ATRNL1: variants seen among roughly 807,000 people sequenced by gnomAD.
ATRNL1 encodes attractin-like protein 1.
A neutral mutation model predicts 182.7 loss-of-function variants in ATRNL1; 95 were observed. The observed-to-expected ratio is 0.52, with a 90% CI of 0.44 to 0.62. The LOEUF is 0.62. ATRNL1 is among the 20% of genes least tolerant of loss of function. The pLI is 0.00. For missense variants in ATRNL1, 1,471 were observed against 1,679.5 expected (o/e 0.88, Z 2.17); for synonymous variants, 576 against 568.3 (o/e 1.01, Z -0.19).
intron 25 of ATRNL1, among the ~76,000 whole-genome samples, chr10:115,538,306 T>C (rs1369174541): frequency 6.6e-6 from 1 of 152,240 alleles, no homozygotes; most frequent in Non-Finnish European, 1.5e-5. Flanking sequence ...AATTCTGTGC[T>C]GCGACCAGCA....
intron 18 of ATRNL1, 139 bp downstream of exon 18, chr10:115,315,875 T>G: frequency 1.5e-6 from 1 of 684,230 alleles, no homozygotes; most frequent in Non-Finnish European, 2.4e-6. Context: ...AGATAAAAAA[T>G]TATTCCATAG....
At chr10:115,826,008 TATTA>T (rs1244297482) in intron 27 of ATRNL1, among the ~76,000 whole-genome samples, 2 of 152,204 alleles carry the variant, frequency 1.3e-5, no homozygotes, top group African/African-American at 4.8e-5. Flanking sequence ...TTTTAGCTTT[TATTA>T]ATTAAGCTTT....
At chr10:115,844,687 A>G (rs1376402019) in intron 27 of ATRNL1, among the ~76,000 whole-genome samples, 1 of 152,062 alleles carries the variant, frequency 6.6e-6, no homozygotes, top group Non-Finnish European at 1.5e-5. Flanking sequence ...CTAATTACGT[A>G]ACTGTCAGTG....
chr10:115,549,153 A>G (rs1041866690), intron 25 of ATRNL1, among the ~76,000 whole-genome samples: 2 of 152,122 alleles, frequency 1.3e-5, no homozygotes, highest in Non-Finnish European at 2.9e-5. Context: ...AATTCTAAAT[A>G]GATTTTGGTT....
intron 28 of ATRNL1, among the ~76,000 whole-genome samples, chr10:115,865,302 T>G (rs1589621724): frequency 1.3e-5 from 2 of 152,274 alleles, no homozygotes; most frequent in South Asian, 4.1e-4. Context: ...GGAAGCTGAA[T>G]GAAGAGCAAA....
At chr10:115,205,746 G>A (rs1026764803) in intron 8 of ATRNL1, among the ~76,000 whole-genome samples, 50 of 151,872 alleles carry the variant, frequency 3.3e-4, no homozygotes, top group African/African-American at 1.2e-3. Flanking sequence ...CTCATTACAG[G>A]TACCTTTACC....
chr10:115,150,774 G>A (rs1016446614), intron 5 of ATRNL1, among the ~76,000 whole-genome samples: 6 of 152,032 alleles, frequency 3.9e-5, no homozygotes, highest in Non-Finnish European at 5.9e-5. Flanking sequence ...TGTACAACTT[G>A]CAGGTTTGTT....
At position 115,215,839 on chromosome 10, in the gene ATRNL1, G is replaced by C; in HGVS notation, c.1491G>C (p.Leu497Phe). The change falls in exon 9 of 29, where the codon TTG (leucine) becomes TTC (phenylalanine). Residue 497 changes from leucine to phenylalanine, a missense_variant. Leu to Phe is a conservative substitution (Grantham distance 22, BLOSUM62 0). Transcript: ENST00000355044. ...YKALPGNKYG[L>F]VDDLYKYEVN... is the part of the protein sequence containing the mutation. ...CATTGCCAGGGAACAAATATGGATT[G>C]GTTGATGATCTTTATAAATATGAAG... 1 of 1,590,838 alleles carries C rather than the reference G, an allele frequency of 6.3e-7. No individual in the cohort carries two copies. Among genetic ancestry groups the C allele is most frequent in the Non-Finnish European group, 8.5e-7 (1 of 1,172,182 alleles).
chr10:115,561,912 C>T (rs2133840742), intron 26 of ATRNL1, among the ~76,000 whole-genome samples: 1 of 152,142 alleles, frequency 6.6e-6, no homozygotes, highest in Non-Finnish European at 1.5e-5. Flanking sequence ...AATTAGATTC[C>T]TCACACATTG....
intron 27 of ATRNL1, among the ~76,000 whole-genome samples, chr10:115,836,700 A>C (rs1416397804): frequency 6.6e-6 from 1 of 152,198 alleles, no homozygotes; most frequent in Non-Finnish European, 1.5e-5. Flanking sequence ...CCTCTCACCT[A>C]ATCTTAACAA....
chr10:115,309,277 G>A (rs1554927131), intron 17 of ATRNL1, among the ~76,000 whole-genome samples: 1 of 151,978 alleles, frequency 6.6e-6, no homozygotes, highest in Non-Finnish European at 1.5e-5. Flanking sequence ...GGTTCTATAT[G>A]AATTTTAGGA....
intron 19 of ATRNL1, among the ~76,000 whole-genome samples, chr10:115,341,633 T>C (rs1275826730): frequency 6.6e-6 from 1 of 152,172 alleles, no homozygotes; most frequent in African/African-American, 2.4e-5. Flanking sequence ...ATTACTTTAT[T>C]GGGGCCTATC....
chr10:115,578,324 C>T lies in ATRNL1; in HGVS notation c.3795+28788C>T, dbSNP rs556308560. ...ATTTTTTGGAGGTGTTTAAGAATTACGGATATTAATTCTTCTTTTAATAAT... is the reference window on the plus strand; with the variant it reads ...ATTTTTTGGAGGTGTTTAAGAATTATGGATATTAATTCTTCTTTTAATAAT... On this transcript the variant is annotated intron_variant, in intron 26 of 28. Transcript: ENST00000355044. Among the ~76,000 whole-genome samples, 18 of 151,650 alleles carry T rather than the reference C, an allele frequency of 1.2e-4. 1 individual carries two copies. The highest frequency in any genetic ancestry group is 8.3e-4 in the South Asian group (4 of 4,820).
chr10:115,622,343 A>G (rs1198180603), intron 26 of ATRNL1, among the ~76,000 whole-genome samples: 1 of 152,208 alleles, frequency 6.6e-6, no homozygotes, highest in Non-Finnish European at 1.5e-5. Context: ...CCAGTTCATT[A>G]TGGAGACAGT....
chr10:115,702,722 C>T (rs1021061881), intron 26 of ATRNL1, among the ~76,000 whole-genome samples: 1 of 151,812 alleles, frequency 6.6e-6, no homozygotes, highest in African/African-American at 2.4e-5. Context: ...ACCTAGGAAT[C>T]CATCTAACCA....
chr10:115,733,089 C>T (rs1274072892), intron 27 of ATRNL1, among the ~76,000 whole-genome samples: 4 of 151,978 alleles, frequency 2.6e-5, no homozygotes, highest in African/African-American at 9.7e-5. Context: ...TTTTGTTATG[C>T]TAATAAAGTA....
chr10:115,826,113 C>T (rs1209343228), intron 27 of ATRNL1, among the ~76,000 whole-genome samples: 2 of 152,168 alleles, frequency 1.3e-5, no homozygotes, highest in African/African-American at 4.8e-5. Flanking sequence ...CCTTGGAGAG[C>T]TGTTTCCTGG....
At chr10:115,136,278 A>G (rs1463971836) in intron 5 of ATRNL1, among the ~76,000 whole-genome samples, 3 of 152,218 alleles carry the variant, frequency 2.0e-5, no homozygotes, top group Non-Finnish European at 4.4e-5. Context: ...ATGACAGTAA[A>G]ATAAAAAAAA....
Position 115,462,020 on chromosome 10 carries a change from A to G in ATRNL1, c.3402A>G (p.Ile1134Met), listed in dbSNP as rs1451138286. 1.9e-6 allele frequency: 3 copies of G among 1,607,896 alleles called. No individual in the cohort carries two copies. The highest frequency in any genetic ancestry group is 2.7e-5 in the African/African-American group (2 of 74,812). The change falls in exon 22 of 29, where the codon ATA (isoleucine) becomes ATG (methionine). Residue 1134 changes from isoleucine to methionine, a missense_variant. Ile to Met is a conservative substitution (Grantham distance 10, BLOSUM62 1). This residue lies in a region of ATRNL1 where 437 missense variants were observed against 506.0 expected (regional missense o/e 0.86). Transcript: ENST00000355044. Reference sequence around the variant, plus strand: ...GCCACCATACTGCCATAAACTTTATAGCAAACCCAGAACAGGTGAGGAAAA... The same window carrying G: ...GCCACCATACTGCCATAAACTTTATGGCAAACCCAGAACAGGTGAGGAAAA... ...DDRHHTAINF[I>M]ANPEQSNKNL...
Sources: allele counts gnomAD v4.1 joint callset (sites outside exome capture counted in the v4.1 genomes callset), GRCh38; gene constraint gnomAD v4.1.1; regional missense constraint gnomAD v4.1.1; transcripts MANE v1.5; gene names NCBI Gene and HGNC (gene_info 2026-07-23, HGNC 2026-07-21).